The following DMD variants were observed in gnomAD, a reference collection of about 807,000 sequenced individuals.
DMD encodes dystrophin.
A neutral mutation model predicts 330.1 loss-of-function variants in DMD; 63 were observed. The observed-to-expected ratio is 0.19, with a 90% CI of 0.16 to 0.24. The LOEUF is 0.24. Ranked by LOEUF, DMD falls within the 10% of genes least tolerant of loss-of-function variation. The pLI is 1.00. For missense variants in DMD, 3,344 were observed against 2,684.1 expected, an observed-to-expected ratio of 1.25 and a Z score of -5.43; for synonymous variants, 1,223 against 959.8, an observed-to-expected ratio of 1.27 and a Z score of -5.07.
chrX:32,106,036 G>A (rs919068375), intron 44 of DMD, among the ~76,000 whole-genome samples: 2 of 111,615 alleles, frequency 1.8e-5, no homozygotes, highest in East Asian at 2.8e-4. Context: ...GGCTGGAAAC[G>A]TCAAACACTT....
intron 54 of DMD, among the ~76,000 whole-genome samples, chrX:31,644,394 C>G (rs542497177): frequency 8.9e-6 from 1 of 111,952 alleles, no homozygotes; most frequent in Admixed American, 9.5e-5. Flanking sequence ...ACAAGAATTT[C>G]TGTGTCAGAA....
intron 60 of DMD, among the ~76,000 whole-genome samples, chrX:31,380,244 C>A (rs1036900348): frequency 9.0e-6 from 1 of 110,755 alleles, no homozygotes; most frequent in African/African-American, 3.3e-5. Context: ...TTATCCCCAC[C>A]TGCCCAGTTC....
At chrX:32,670,660 G>GT (rs2061576114) in intron 9 of DMD, among the ~76,000 whole-genome samples, 1 of 111,974 alleles carries the variant, frequency 8.9e-6, no homozygotes, top group Admixed American at 9.5e-5. Flanking sequence ...TGCAAACCTT[G>GT]TTCTATTTGG....
intron 27 of DMD, among the ~76,000 whole-genome samples, chrX:32,445,651 G>C (rs1464942386): frequency 9.0e-6 from 1 of 110,652 alleles, no homozygotes; most frequent in Non-Finnish European, 1.9e-5. Context: ...ATTTGACAGA[G>C]TTGGGTGTAG....
At chrX:32,546,823 T>A (rs1452010736) in intron 16 of DMD, among the ~76,000 whole-genome samples, 1 of 111,604 alleles carries the variant, frequency 9.0e-6, no homozygotes, top group Non-Finnish European at 1.9e-5. Flanking sequence ...TATGTCAAGA[T>A]GAAAGCAGAA....
At chrX:33,006,259 A>G in intron 2 of DMD, among the ~76,000 whole-genome samples, 1 of 111,865 alleles carries the variant, frequency 8.9e-6, no homozygotes, top group South Asian at 3.7e-4. Context: ...TAAAGTTTAT[A>G]TGAAAGGCAA....
chrX:31,678,723 A>G (rs1450913759), intron 53 of DMD, among the ~76,000 whole-genome samples: 1 of 111,233 alleles, frequency 9.0e-6, no homozygotes, highest in Non-Finnish European at 1.9e-5. Context: ...GGGCCTCCAA[A>G]TAAGATATGA....
chrX:31,752,871 T>C (rs1162232459), intron 51 of DMD, among the ~76,000 whole-genome samples: 1 of 111,832 alleles, frequency 8.9e-6, no homozygotes, highest in Non-Finnish European at 1.9e-5. Context: ...ATTTTTAAAC[T>C]TCATCTACTT....
chrX:31,904,524 A>G (rs780493748), intron 47 of DMD, among the ~76,000 whole-genome samples: 1 of 111,026 alleles, frequency 9.0e-6, no homozygotes, highest in African/African-American at 3.3e-5. Flanking sequence ...TAGCAATTTC[A>G]CTCTTTCTCT....
At chrX:31,919,361 C>T (rs2094656021) in intron 47 of DMD, among the ~76,000 whole-genome samples, 1 of 112,385 alleles carries the variant, frequency 8.9e-6, no homozygotes, top group African/African-American at 3.2e-5. Flanking sequence ...GTTGATGTCA[C>T]CCACATCACA....
At chrX:32,600,594 A>ACACG (rs1471097003) in intron 12 of DMD, among the ~76,000 whole-genome samples, 4 of 66,551 alleles carry the variant, frequency 6.0e-5, no homozygotes, top group East Asian at 9.7e-4. Context: ...ACAAACACGC[A>ACACG]CACGCACACA....
intron 55 of DMD, among the ~76,000 whole-genome samples, chrX:31,618,322 C>T (rs947501762): frequency 3.6e-5 from 4 of 110,179 alleles, no homozygotes; most frequent in Admixed American, 1.9e-4. Flanking sequence ...CCTGGCAAGT[C>T]AAAAGGTGAG....
At chrX:32,366,647 A>G (rs1401353344) in intron 34 of DMD, among the ~76,000 whole-genome samples, 1 of 111,445 alleles carries the variant, frequency 9.0e-6, no homozygotes, top group Non-Finnish European at 1.9e-5. Flanking sequence ...CACTCTCAAC[A>G]TGTCTTTTCT....
intron 1 of DMD, among the ~76,000 whole-genome samples, chrX:33,117,960 T>G (rs1289853208): frequency 9.0e-6 from 1 of 111,228 alleles, no homozygotes; most frequent in Non-Finnish European, 1.9e-5. Flanking sequence ...CTGACTAGTC[T>G]TGAAATGTAG....
chrX:32,198,324 T>C (rs2097016194), intron 44 of DMD, among the ~76,000 whole-genome samples: 1 of 111,692 alleles, frequency 9.0e-6, no homozygotes, highest in South Asian at 3.7e-4. Flanking sequence ...CAAAAGATGA[T>C]CGTGTGTGTT....
intron 41 of DMD, among the ~76,000 whole-genome samples, chrX:32,311,874 T>C (rs2097563835): frequency 8.9e-6 from 1 of 111,863 alleles, no homozygotes; most frequent in Non-Finnish European, 1.9e-5. Flanking sequence ...CACAAGCTTG[T>C]GTTTTGCACG....
chrX:31,943,392 AT>A (rs1302970560), intron 45 of DMD, among the ~76,000 whole-genome samples: 2 of 112,463 alleles, frequency 1.8e-5, no homozygotes, highest in African/African-American at 6.5e-5. Context: ...ACTTTACACA[AT>A]TATTATTTCA....
chrX:31,860,304 G>C (rs1201380315), intron 48 of DMD, among the ~76,000 whole-genome samples: 1 of 112,395 alleles, frequency 8.9e-6, no homozygotes, highest in Non-Finnish European at 1.9e-5. Context: ...TCAAAAGCAA[G>C]AGAATGATCT....
chrX:32,938,076 T>A (rs1042002381), intron 2 of DMD, among the ~76,000 whole-genome samples: 1 of 111,293 alleles, frequency 9.0e-6, no homozygotes, highest in East Asian at 2.8e-4. Flanking sequence ...AACGCAGATA[T>A]CACTGTTTGT....
Sources: allele counts gnomAD v4.1 joint callset (sites outside exome capture counted in the v4.1 genomes callset), GRCh38; gene constraint gnomAD v4.1.1; transcripts MANE v1.5; gene names NCBI Gene and HGNC (gene_info 2026-07-23, HGNC 2026-07-21).